Variants in DENND1A observed in about 807,000 individuals in gnomAD.
DENND1A encodes DENN domain-containing protein 1A.
In DENND1A, 51 loss-of-function variants were observed where a neutral mutation model predicts 113.7. The observed-to-expected ratio is 0.45, with a 90% CI of 0.36 to 0.57. DENND1A has a LOEUF of 0.57. Among genes scored for constraint, DENND1A ranks in the 20% least tolerant of loss-of-function variants. The pLI, the probability that DENND1A is intolerant of heterozygous loss-of-function variation, is 0.00. For missense variants in DENND1A, 1,258 were observed against 1,395.9 expected (o/e 0.90, Z 1.57); for synonymous variants, 565 against 570.8 (o/e 0.99, Z 0.14).
intron 2 of DENND1A, among the ~76,000 whole-genome samples, chr9:123,839,514 G>C (rs1167650268): frequency 6.6e-6 from 1 of 152,194 alleles, no homozygotes; most frequent in Non-Finnish European, 1.5e-5. Context: ...CATAATTACA[G>C]TTTCCGCGAC....
At chr9:123,917,029 C>T (rs1023113994) in intron 1 of DENND1A, among the ~76,000 whole-genome samples, 1 of 151,898 alleles carries the variant, frequency 6.6e-6, no homozygotes, top group Non-Finnish European at 1.5e-5. Flanking sequence ...ACTAAAAATA[C>T]AAACATCAGC....
At chr9:123,626,258 T>A (rs1048175469) in intron 10 of DENND1A, among the ~76,000 whole-genome samples, 1 of 151,978 alleles carries the variant, frequency 6.6e-6, no homozygotes, top group Non-Finnish European at 1.5e-5. Flanking sequence ...TCTCTCCCTG[T>A]GGAAGACCCT....
At chr9:123,473,414 G>A (rs1255802947) in intron 13 of DENND1A, among the ~76,000 whole-genome samples, 1 of 152,054 alleles carries the variant, frequency 6.6e-6, no homozygotes, top group Non-Finnish European at 1.5e-5. Flanking sequence ...CGTTTACACC[G>A]CTCCTGGAGT....
At chr9:123,419,124 AGT>A (rs2045007848) in intron 19 of DENND1A, among the ~76,000 whole-genome samples, 1 of 152,274 alleles carries the variant, frequency 6.6e-6, no homozygotes, top group Non-Finnish European at 1.5e-5. Context: ...AAAATAGAAT[AGT>A]ACAGATGCTG....
rs567100835 is a variant in DENND1A at position 123,819,812 on chromosome 9, C to T, written c.89-27182G>A. 5.3e-5 allele frequency among the ~76,000 whole-genome samples: 8 copies of T among 152,300 alleles called. No homozygotes were observed. In the South Asian group the frequency reaches 6.2e-4, roughly 12 times the overall value. On this transcript the variant is annotated intron_variant, in intron 2 of 23. Transcript: ENST00000394215. ...CTCGGATCCTAGAGTGCTAGGCTTA[C>T]AGGTGTGAGCCACCATGCCCAGCTG...
At chr9:123,438,593 A>T (rs1015536711) in intron 19 of DENND1A, among the ~76,000 whole-genome samples, 1 of 146,964 alleles carries the variant, frequency 6.8e-6, no homozygotes, top group African/African-American at 2.5e-5. Context: ...TGCATGCATT[A>T]AAAAAAAAAA....
At chr9:123,691,352 A>G (rs2065178604) in intron 5 of DENND1A, among the ~76,000 whole-genome samples, 1 of 152,202 alleles carries the variant, frequency 6.6e-6, no homozygotes, top group South Asian at 2.1e-4. Flanking sequence ...GGGCTGTGGC[A>G]GCACCAAGGA....
intron 21 of DENND1A, 121 bp downstream of exon 21, chr9:123,403,281 C>T: frequency 1.0e-6 from 1 of 954,348 alleles, no homozygotes; most frequent in Non-Finnish European, 1.6e-6. Context: ...CTTTGTGAAA[C>T]ACCCGCTGGG....
At chr9:123,809,781 G>A (rs1025192831) in intron 2 of DENND1A, among the ~76,000 whole-genome samples, 3 of 151,932 alleles carry the variant, frequency 2.0e-5, no homozygotes, top group African/African-American at 4.8e-5. Context: ...AGCAATTCTC[G>A]CGCCTCAGCC....
intron 5 of DENND1A, among the ~76,000 whole-genome samples, chr9:123,679,009 C>G (rs1380940047): frequency 1.3e-5 from 2 of 152,216 alleles, no homozygotes; most frequent in East Asian, 3.9e-4. Context: ...ACTCAGTAAA[C>G]AAATTTGACC....
At chr9:123,468,390 C>G (rs979387317) in intron 13 of DENND1A, among the ~76,000 whole-genome samples, 1 of 152,204 alleles carries the variant, frequency 6.6e-6, no homozygotes, top group Non-Finnish European at 1.5e-5. Context: ...CCAACTGACT[C>G]CAGTGCAGCT....
rs112559172 is a variant in DENND1A, at chr9:123,885,045, A to T, written c.18-6024T>A. Among the ~76,000 whole-genome samples the T allele has an allele frequency of 2.6e-3, 391 of 150,048 alleles. 2 individuals are homozygous for T. The highest frequency in any genetic ancestry group is 8.8e-3 in the African/African-American group (360 of 40,996). ...CACACACACACTCACTCTCTCTCTCACACACACACACACAGACGCACGCAC... is the reference window on the plus strand; with the variant it reads ...CACACACACACTCACTCTCTCTCTCTCACACACACACACAGACGCACGCAC... On this transcript the variant is annotated intron_variant, in intron 1 of 23. Coordinates refer to ENST00000394215, the MANE Select transcript of DENND1A (RefSeq NM_001352964.2).
At chr9:123,409,181 T>C (rs1443621648) in intron 20 of DENND1A, among the ~76,000 whole-genome samples, 1 of 152,126 alleles carries the variant, frequency 6.6e-6, no homozygotes, top group Non-Finnish European at 1.5e-5. Flanking sequence ...TAAAAGGTGC[T>C]CAATGAATAT....
At chr9:123,481,373 G>C (rs889394055) in intron 13 of DENND1A, among the ~76,000 whole-genome samples, 1 of 152,206 alleles carries the variant, frequency 6.6e-6, no homozygotes, top group Non-Finnish European at 1.5e-5. Context: ...ACAAGGAAGC[G>C]GGAGCGGGAG....
chr9:123,878,912 T>A (rs1339380236), intron 2 of DENND1A, 39 bp downstream of exon 2: 1 of 1,601,510 alleles, frequency 6.2e-7, no homozygotes, highest in East Asian at 2.2e-5. Context: ...TCTCAAACAA[T>A]AAGTAACACA....
At chr9:123,592,536 A>G (rs2059505823) in intron 11 of DENND1A, among the ~76,000 whole-genome samples, 1 of 152,164 alleles carries the variant, frequency 6.6e-6, no homozygotes, top group Admixed American at 6.5e-5. Context: ...ACTGACTAGA[A>G]TAGGGTACAA....
At chr9:123,710,820 G>A (rs1312852307) in intron 5 of DENND1A, among the ~76,000 whole-genome samples, 1 of 151,794 alleles carries the variant, frequency 6.6e-6, no homozygotes, top group Admixed American at 6.6e-5. Flanking sequence ...TTACAGGTGT[G>A]TGCCACCATG....
At chr9:123,469,394 G>A (rs772410129) in intron 13 of DENND1A, among the ~76,000 whole-genome samples, 6 of 152,194 alleles carry the variant, frequency 3.9e-5, no homozygotes, top group Non-Finnish European at 5.9e-5. Context: ...CATTCTGGCC[G>A]GCCGCTCTGG....
chr9:123,706,450 G>A (rs1453273529), intron 5 of DENND1A, among the ~76,000 whole-genome samples: 1 of 151,914 alleles, frequency 6.6e-6, no homozygotes. Context: ...ATTTGTGGAT[G>A]GCTTGGATAT....
Sources: gnomAD v4.1 joint callset for allele counts (sites outside exome capture counted in the v4.1 genomes callset) on GRCh38, gnomAD v4.1.1 for gene constraint, MANE v1.5 for transcripts, NCBI Gene and HGNC (gene_info 2026-07-23, HGNC 2026-07-21) for gene names.